The following SDHAF3 variants were observed in gnomAD, a reference collection of about 807,000 sequenced individuals.
The protein encoded by SDHAF3 is succinate dehydrogenase assembly factor 3, mitochondrial.
Under a neutral mutation model 11.5 loss-of-function variants are expected in SDHAF3, and 18 were observed. That is an observed-to-expected ratio of 1.56 (90% CI 1.08 to 2.32). The LOEUF is 2.32. Among genes scored for constraint, SDHAF3 ranks in the 30% most tolerant of loss-of-function variants. The pLI, the probability that SDHAF3 is intolerant of heterozygous loss-of-function variation, is 0.00. For synonymous variants in SDHAF3, 72 were observed against 59.3 expected, an observed-to-expected ratio of 1.21 and a Z score of -0.99; for missense variants, 200 against 154.4, an observed-to-expected ratio of 1.30 and a Z score of -1.57.
At chr7:97,146,560 C>CT (rs2115681058) in intron 1 of SDHAF3, among the ~76,000 whole-genome samples, 1 of 152,180 alleles carries the variant, frequency 6.6e-6, no homozygotes, top group East Asian at 1.9e-4. Flanking sequence ...TACAGTGTCA[C>CT]TTTTTTTCTC....
intron 1 of SDHAF3, among the ~76,000 whole-genome samples, chr7:97,163,690 CATT>C (rs1420950010): frequency 6.6e-6 from 1 of 152,118 alleles, no homozygotes; most frequent in Non-Finnish European, 1.5e-5. Context: ...TTGATCCTGT[CATT>C]ATTATGCTAG....
At chr7:97,161,112 G>A (rs1261203279) in intron 1 of SDHAF3, among the ~76,000 whole-genome samples, 1 of 152,144 alleles carries the variant, frequency 6.6e-6, no homozygotes. Context: ...GGCAGTGGCT[G>A]GGTCCCAATC....
At chr7:97,165,959 TAAAAA>T (rs969469060) in intron 1 of SDHAF3, among the ~76,000 whole-genome samples, 3 of 152,292 alleles carry the variant, frequency 2.0e-5, no homozygotes, top group Non-Finnish European at 4.4e-5. Context: ...AAGTCTGCTA[TAAAAA>T]AACTTTGTAC....
At chr7:97,138,859 C>T (rs1171501438) in intron 1 of SDHAF3, among the ~76,000 whole-genome samples, 1 of 152,244 alleles carries the variant, frequency 6.6e-6, no homozygotes, top group Non-Finnish European at 1.5e-5. Flanking sequence ...CATCTGGTCC[C>T]TGCTTGTGCC....
chr7:97,146,575 G>T (rs575887429), intron 1 of SDHAF3, among the ~76,000 whole-genome samples: 6 of 152,122 alleles, frequency 3.9e-5, no homozygotes, highest in Admixed American at 3.3e-4. Flanking sequence ...TTTCTCTGAA[G>T]AATACAGATT....
At chr7:97,128,328 A>T (rs952938123) in intron 1 of SDHAF3, among the ~76,000 whole-genome samples, 1 of 152,196 alleles carries the variant, frequency 6.6e-6, no homozygotes, top group Non-Finnish European at 1.5e-5. Flanking sequence ...TTAAGATATT[A>T]CTACTTAGGA....
At chr7:97,142,152 C>G (rs1042669380) in intron 1 of SDHAF3, among the ~76,000 whole-genome samples, 1 of 139,486 alleles carries the variant, frequency 7.2e-6, no homozygotes, top group Non-Finnish European at 1.5e-5. Flanking sequence ...CTCCCGAGTT[C>G]AAGCAATTCT....
At chr7:97,160,383 G>A (rs1789387598) in intron 1 of SDHAF3, among the ~76,000 whole-genome samples, 1 of 152,176 alleles carries the variant, frequency 6.6e-6, no homozygotes, top group Non-Finnish European at 1.5e-5. Flanking sequence ...CATCTGGGAG[G>A]TGTACCCAAT....
chr7:97,128,981 CT>C lies in SDHAF3; in HGVS notation c.174+11090del, dbSNP rs564932973. Among the ~76,000 whole-genome samples, 377 of 152,040 alleles carry C rather than the reference CT, an allele frequency of 2.5e-3. 1 individual carries two copies. Among genetic ancestry groups the C allele is most frequent in the African/African-American group, 8.9e-3 (368 of 41,488 alleles). ...CAGCCTCCTTAGTAGCAGAGATTAA[CT>C]TTTTTCTTAAATTGAAGTAGTAGAT... On this transcript the variant is annotated intron_variant, in intron 1 of 1. Transcript: ENST00000432641.
chr7:97,118,147 G>A (rs1217063371), intron 1 of SDHAF3, among the ~76,000 whole-genome samples: 1 of 152,138 alleles, frequency 6.6e-6, no homozygotes, highest in Admixed American at 6.5e-5. Flanking sequence ...CTCAAAGGGT[G>A]AGGGTAGGAG....
intron 1 of SDHAF3, among the ~76,000 whole-genome samples, chr7:97,125,045 G>C (rs562178515): frequency 2.6e-5 from 4 of 152,168 alleles, no homozygotes; most frequent in Non-Finnish European, 5.9e-5. Flanking sequence ...GGAGTGGTGA[G>C]AGAGGTCATC....
intron 1 of SDHAF3, among the ~76,000 whole-genome samples, chr7:97,150,471 T>C (rs1036555591): frequency 1.3e-5 from 2 of 152,144 alleles, no homozygotes; most frequent in Admixed American, 6.5e-5. Context: ...ATGAAAACAT[T>C]ATTAATCTCC....
chr7:97,132,741 A>G (rs1406014508), intron 1 of SDHAF3, among the ~76,000 whole-genome samples: 2 of 152,150 alleles, frequency 1.3e-5, no homozygotes, highest in African/African-American at 2.4e-5. Context: ...TGACACATCA[A>G]TCAGGGAGGG....
rs566738295 is a variant in SDHAF3, at chr7:97,138,355, G to T, written c.174+20458G>T. Reference sequence around the variant, plus strand: ...TTTGTGCGTTTTTAGTAGAGACAGGGTTTCACCACGTTGGCCAGGCTGGTT... The same window carrying T: ...TTTGTGCGTTTTTAGTAGAGACAGGTTTTCACCACGTTGGCCAGGCTGGTT... On this transcript the variant is annotated intron_variant, in intron 1 of 1. Transcript: ENST00000432641. Among the ~76,000 whole-genome samples, 28 of 151,672 alleles carry T rather than the reference G, an allele frequency of 1.8e-4. No homozygotes were observed. The South Asian group carries it at 5.4e-3, about 29-fold the overall frequency.
At chr7:97,125,141 C>T (rs1322523469) in intron 1 of SDHAF3, among the ~76,000 whole-genome samples, 1 of 151,998 alleles carries the variant, frequency 6.6e-6, no homozygotes, top group African/African-American at 2.4e-5. Flanking sequence ...CTTTATTAGT[C>T]TGGCCAGCGG....
intron 1 of SDHAF3, among the ~76,000 whole-genome samples, chr7:97,148,680 A>G (rs1789172114): frequency 6.6e-6 from 1 of 152,234 alleles, no homozygotes; most frequent in South Asian, 2.1e-4. Flanking sequence ...AGCTAACAGC[A>G]TTCAACTTTT....
At chr7:97,178,955 T>G (rs1186980641) in intron 1 of SDHAF3, among the ~76,000 whole-genome samples, 1 of 152,166 alleles carries the variant, frequency 6.6e-6, no homozygotes, top group Middle Eastern at 3.2e-3. Context: ...TCTTCTAGGA[T>G]TCTCATGATT....
intron 1 of SDHAF3, among the ~76,000 whole-genome samples, chr7:97,127,414 G>A (rs1345696216): frequency 1.3e-5 from 2 of 151,930 alleles, no homozygotes; most frequent in African/African-American, 2.4e-5. Flanking sequence ...ATTTTATTTT[G>A]TTGCATTTGT....
chr7:97,143,096 A>G (rs1457628631), intron 1 of SDHAF3, among the ~76,000 whole-genome samples: 1 of 151,442 alleles, frequency 6.6e-6, no homozygotes, highest in Non-Finnish European at 1.5e-5. Flanking sequence ...AAGTTTCACC[A>G]TGTTGGCCAG....
Sources: gnomAD v4.1 joint callset for allele counts (sites outside exome capture counted in the v4.1 genomes callset) on GRCh38, gnomAD v4.1.1 for gene constraint, MANE v1.5 for transcripts, NCBI Gene and HGNC (gene_info 2026-07-23, HGNC 2026-07-21) for gene names.